Variants in PLCB4 observed in about 807,000 individuals in gnomAD.
PLCB4 encodes the protein 1-phosphatidylinositol 4,5-bisphosphate phosphodiesterase beta-4.
In PLCB4, 77 loss-of-function variants were observed where a neutral mutation model predicts 178.8. That is an observed-to-expected ratio of 0.43 (90% CI 0.36 to 0.52). The LOEUF (loss-of-function observed/expected upper bound fraction) is 0.52, where lower values mean the gene tolerates loss of function less well. PLCB4 is among the 20% of genes least tolerant of loss of function. The probability of loss-of-function intolerance (pLI) is 0.00; values close to 1 mark genes in which losing one functional copy is unlikely to be tolerated. For synonymous variants in PLCB4, 496 were observed against 490.8 expected (o/e 1.01, Z -0.14); for missense variants, 1,024 against 1,453.4 (o/e 0.70, Z 4.80).
chr20:9,412,094 C>T (rs6039460), intron 25 of PLCB4, among the ~76,000 whole-genome samples: 16,220 of 152,244 alleles, frequency 0.11, 1,168 homozygotes, highest in East Asian at 0.25. Context: ...ATACCTGGAG[C>T]ATGCCCTACA....
chr20:9,140,355 C>T (rs920833852), intron 2 of PLCB4, among the ~76,000 whole-genome samples: 1 of 152,128 alleles, frequency 6.6e-6, no homozygotes, highest in South Asian at 2.1e-4. Context: ...TGATCTGCCT[C>T]CCACTGAAGG....
At chr20:9,361,824 AAATT>A (rs2035359125) in intron 7 of PLCB4, among the ~76,000 whole-genome samples, 2 of 152,188 alleles carry the variant, frequency 1.3e-5, no homozygotes, top group Non-Finnish European at 1.5e-5. Context: ...GTGATGATGG[AAATT>A]ATCTGCACTG....
chr20:9,111,435 A>G (rs953724647), intron 2 of PLCB4, among the ~76,000 whole-genome samples: 5 of 152,182 alleles, frequency 3.3e-5, no homozygotes, highest in Non-Finnish European at 7.4e-5. Context: ...TTTTGAAAAT[A>G]TTCCATTTAT....
intron 3 of PLCB4, among the ~76,000 whole-genome samples, chr20:9,235,854 C>G (rs375267279): frequency 6.6e-6 from 1 of 152,166 alleles, no homozygotes; most frequent in East Asian, 1.9e-4. Context: ...ATTAACTTAC[C>G]TTTCCGGTTT....
intron 39 of PLCB4, among the ~76,000 whole-genome samples, chr20:9,478,492 C>T (rs1603133755): frequency 6.6e-6 from 1 of 152,134 alleles, no homozygotes; most frequent in Non-Finnish European, 1.5e-5. Context: ...ATAAGTTGTA[C>T]ATAAGCAATA....
intron 2 of PLCB4, among the ~76,000 whole-genome samples, chr20:9,192,165 G>A (rs188402174): frequency 6.6e-6 from 1 of 152,264 alleles, no homozygotes; most frequent in East Asian, 1.9e-4. Context: ...GTGAGCCATC[G>A]AGCCGGCAGT....
chr20:9,435,071 A>G (rs2041676272), intron 28 of PLCB4, among the ~76,000 whole-genome samples: 1 of 152,244 alleles, frequency 6.6e-6, no homozygotes, highest in South Asian at 2.1e-4. Flanking sequence ...TTGGCTTTGA[A>G]TATGTATTAT....
At chr20:9,134,028 AG>A (rs2092332667) in intron 2 of PLCB4, among the ~76,000 whole-genome samples, 1 of 152,214 alleles carries the variant, frequency 6.6e-6, no homozygotes, top group Non-Finnish European at 1.5e-5. Context: ...GACTGGTTCA[AG>A]GCACTGTCTT....
intron 3 of PLCB4, among the ~76,000 whole-genome samples, chr20:9,295,131 C>A (rs1359614058): frequency 2.0e-5 from 3 of 152,066 alleles, no homozygotes; most frequent in African/African-American, 7.2e-5. Flanking sequence ...GAATCTGTGA[C>A]CTCTACCTAA....
chr20:9,086,922 A>G (rs1374010873), intron 1 of PLCB4, among the ~76,000 whole-genome samples: 3 of 152,164 alleles, frequency 2.0e-5, no homozygotes, highest in African/African-American at 4.8e-5. Flanking sequence ...TTTTATCATC[A>G]TGAAGTGTTT....
intron 4 of PLCB4, among the ~76,000 whole-genome samples, chr20:9,313,787 A>T (rs959197428): frequency 6.6e-6 from 1 of 152,134 alleles, no homozygotes; most frequent in African/African-American, 2.4e-5. Context: ...CACCACCACC[A>T]CTGGCTGGGC....
At chr20:9,092,385 T>C (rs1012267267) in intron 1 of PLCB4, among the ~76,000 whole-genome samples, 1 of 152,132 alleles carries the variant, frequency 6.6e-6, no homozygotes, top group Non-Finnish European at 1.5e-5. Context: ...TTTGATTCTC[T>C]CTGAAGCCTG....
At chr20:9,104,420 C>CA (rs2091288636) in intron 2 of PLCB4, among the ~76,000 whole-genome samples, 1 of 152,116 alleles carries the variant, frequency 6.6e-6, no homozygotes, top group African/African-American at 2.4e-5. Flanking sequence ...GGAATACAGA[C>CA]TCCTACCTCT....
chr20:9,346,533 A>G (rs1177730637), intron 7 of PLCB4, among the ~76,000 whole-genome samples: 2 of 152,148 alleles, frequency 1.3e-5, no homozygotes, highest in Non-Finnish European at 2.9e-5. Flanking sequence ...TTGAGGCTCA[A>G]ATGTGGGATG....
At chr20:9,109,050 T>G (rs1192638057) in intron 2 of PLCB4, among the ~76,000 whole-genome samples, 2 of 152,182 alleles carry the variant, frequency 1.3e-5, no homozygotes, top group African/African-American at 4.8e-5. Context: ...TAGCTGCTCT[T>G]AACACTAACT....
intron 2 of PLCB4, among the ~76,000 whole-genome samples, chr20:9,131,371 G>T (rs1387376553): frequency 6.6e-6 from 1 of 151,950 alleles, no homozygotes; most frequent in Non-Finnish European, 1.5e-5. Flanking sequence ...GCAGCTTCCT[G>T]AAAGTTGAGC....
At chr20:9,072,616 C>T (rs1301670260) in intron 1 of PLCB4, among the ~76,000 whole-genome samples, 1 of 152,006 alleles carries the variant, frequency 6.6e-6, no homozygotes, top group Non-Finnish European at 1.5e-5. Context: ...CTTTTATTTG[C>T]AAGGCCCACT....
intron 1 of PLCB4, among the ~76,000 whole-genome samples, chr20:9,072,150 G>A (rs149668258): frequency 1.2e-4 from 18 of 152,234 alleles, no homozygotes; most frequent in Admixed American, 2.6e-4. Flanking sequence ...GCTTTTCATC[G>A]CTGGTGGGAG....
intron 24 of PLCB4, among the ~76,000 whole-genome samples, chr20:9,409,939 G>A (rs2039737259): frequency 2.0e-5 from 3 of 152,202 alleles, no homozygotes; most frequent in Admixed American, 6.5e-5. Flanking sequence ...CAATTCTACA[G>A]CATGGTTCTT....
Sources: allele counts gnomAD v4.1 joint callset (sites outside exome capture counted in the v4.1 genomes callset), GRCh38; gene constraint gnomAD v4.1.1; transcripts MANE v1.5; gene names NCBI Gene and HGNC (gene_info 2026-07-23, HGNC 2026-07-21).